The following GRM8 variants were observed in gnomAD, a reference collection of about 807,000 sequenced individuals.
GRM8 encodes metabotropic glutamate receptor 8.
GRM8 carries 47 observed loss-of-function variants against 87.2 expected under a neutral mutation model. The ratio of observed to expected loss-of-function variants is 0.54; its 90% CI spans 0.43 to 0.69. The LOEUF (loss-of-function observed/expected upper bound fraction) is 0.69. Ranked by LOEUF, GRM8 falls within the 30% of genes least tolerant of loss-of-function variation. The probability of loss-of-function intolerance (pLI) is 0.00; values close to 1 mark genes in which losing one functional copy is unlikely to be tolerated. For synonymous variants in GRM8, 396 were observed against 404.5 expected (o/e 0.98, Z 0.25); for missense variants, 1,019 against 1,139.2 (o/e 0.89, Z 1.52).
chr7:127,244,803 T>G (rs1798499441), intron 1 of GRM8, among the ~76,000 whole-genome samples: 1 of 152,170 alleles, frequency 6.6e-6, no homozygotes, highest in Non-Finnish European at 1.5e-5. Context: ...GAAAGCTGCA[T>G]TTTTTGCACT....
intron 3 of GRM8, among the ~76,000 whole-genome samples, chr7:126,962,106 A>T (rs1809382036): frequency 6.6e-6 from 1 of 152,238 alleles, no homozygotes; most frequent in Admixed American, 6.5e-5. Context: ...TTTCTATTAT[A>T]CAAAACTAAC....
At chr7:126,813,356 G>A (rs549153212) in intron 6 of GRM8, among the ~76,000 whole-genome samples, 22 of 152,074 alleles carry the variant, frequency 1.4e-4, no homozygotes, top group African/African-American at 4.6e-4. Context: ...CAAAAAGGCC[G>A]TTATGAAATA....
intron 6 of GRM8, among the ~76,000 whole-genome samples, chr7:126,881,515 A>C (rs1800018768): frequency 6.6e-6 from 1 of 152,206 alleles, no homozygotes; most frequent in African/African-American, 2.4e-5. Context: ...AGAGAGTCCC[A>C]GTCATGCAAA....
chr7:126,947,339 C>T (rs1223661494), intron 3 of GRM8, among the ~76,000 whole-genome samples: 2 of 152,098 alleles, frequency 1.3e-5, no homozygotes, highest in African/African-American at 2.4e-5. Context: ...TAATACTTTG[C>T]CCCTTGTATA....
intron 7 of GRM8, among the ~76,000 whole-genome samples, chr7:126,747,593 T>C (rs2299512): frequency 6.6e-6 from 1 of 152,054 alleles, no homozygotes; most frequent in East Asian, 1.9e-4. Context: ...TTTAATACTA[T>C]TCATATTCTG....
intron 7 of GRM8, among the ~76,000 whole-genome samples, chr7:126,746,433 G>A (rs992060182): frequency 6.6e-6 from 1 of 151,478 alleles, no homozygotes; most frequent in Non-Finnish European, 1.5e-5. Context: ...TATTATTATT[G>A]CTTTATTGAG....
At chr7:127,162,340 G>A (rs948886132) in intron 2 of GRM8, among the ~76,000 whole-genome samples, 3 of 152,128 alleles carry the variant, frequency 2.0e-5, no homozygotes, top group Non-Finnish European at 2.9e-5. Flanking sequence ...CTCAGCCACC[G>A]CCTCTCTCTC....
At chr7:127,069,596 G>A (rs146962741) in intron 3 of GRM8, among the ~76,000 whole-genome samples, 1 of 152,324 alleles carries the variant, frequency 6.6e-6, no homozygotes, top group Non-Finnish European at 1.5e-5. Flanking sequence ...CAAAGCAGAT[G>A]AGAGAACCCC....
At chr7:126,740,606 A>C (rs1226861449) in intron 7 of GRM8, among the ~76,000 whole-genome samples, 1 of 152,162 alleles carries the variant, frequency 6.6e-6, no homozygotes. Context: ...TCCTTCCCTG[A>C]CCTTGAACAA....
intron 1 of GRM8, among the ~76,000 whole-genome samples, chr7:127,245,552 C>T (rs957804553): frequency 6.6e-6 from 1 of 152,206 alleles, no homozygotes; most frequent in Non-Finnish European, 1.5e-5. Context: ...ACTTGCTGTA[C>T]AGTCCAGAAA....
intron 7 of GRM8, among the ~76,000 whole-genome samples, chr7:126,650,013 C>T (rs1432605318): frequency 6.6e-6 from 1 of 152,212 alleles, no homozygotes; most frequent in Non-Finnish European, 1.5e-5. Flanking sequence ...GATAACTACT[C>T]TCCTTTTGAG....
Position 126,841,701 on chromosome 7 carries a change from C to T in GRM8, c.1156+60841G>A, listed in dbSNP as rs140203110. Among the ~76,000 whole-genome samples, 12 of 151,638 alleles carry T rather than the reference C, an allele frequency of 7.9e-5. No individual in the cohort carries two copies. The East Asian group carries it at 1.9e-3, about 25-fold the overall frequency. On this transcript the variant is annotated intron_variant, in intron 6 of 10. Transcript: ENST00000339582. ...GGAGTGCAGTGGTGCAATCTCCGCT[C>T]ACTGCAAGCTCCGCCTCCCGGATTC... is the stretch of plus-strand genomic sequence containing the variant.
chr7:126,702,497 C>T (rs370727126), intron 7 of GRM8, among the ~76,000 whole-genome samples: 71 of 152,306 alleles, frequency 4.7e-4, no homozygotes, highest in East Asian at 2.9e-3. Flanking sequence ...AGAAGGACGA[C>T]GCAGTGGCAG....
chr7:126,883,620 C>T (rs1800218046), intron 6 of GRM8, among the ~76,000 whole-genome samples: 1 of 152,032 alleles, frequency 6.6e-6, no homozygotes, highest in Non-Finnish European at 1.5e-5. Context: ...AGATTGCAGA[C>T]CTATGTTCTC....
intron 2 of GRM8, among the ~76,000 whole-genome samples, chr7:127,120,620 G>A (rs1367048916): frequency 6.6e-6 from 1 of 152,164 alleles, no homozygotes; most frequent in Non-Finnish European, 1.5e-5. Flanking sequence ...CAAGAGCCCT[G>A]TTTCCTTTTG....
chr7:127,079,524 G>A (rs1028412834), intron 3 of GRM8, among the ~76,000 whole-genome samples: 21 of 152,236 alleles, frequency 1.4e-4, no homozygotes, highest in African/African-American at 4.8e-4. Flanking sequence ...GAAAATAGCA[G>A]TGAGGAAAAG....
At chr7:126,608,202 T>C (rs1390763601) in intron 8 of GRM8, among the ~76,000 whole-genome samples, 2 of 146,976 alleles carry the variant, frequency 1.4e-5, no homozygotes, top group Non-Finnish European at 3.0e-5. Flanking sequence ...AAGTTCAGAA[T>C]TGGTTTCCTG....
intron 6 of GRM8, among the ~76,000 whole-genome samples, chr7:126,771,929 T>C (rs1818884792): frequency 6.6e-6 from 1 of 152,120 alleles, no homozygotes. Context: ...ATGGGGACTA[T>C]GTTCTCTCCC....
At chr7:126,656,049 GGAACTGTCCACT>G (rs1212806343) in intron 7 of GRM8, among the ~76,000 whole-genome samples, 2 of 152,084 alleles carry the variant, frequency 1.3e-5, no homozygotes, top group Non-Finnish European at 2.9e-5. Flanking sequence ...TCAAATTCAG[GGAACTGTCCACT>G]GAACTTTTAG....
Sources: allele counts gnomAD v4.1 joint callset (sites outside exome capture counted in the v4.1 genomes callset), GRCh38; gene constraint gnomAD v4.1.1; transcripts MANE v1.5; gene names NCBI Gene and HGNC (gene_info 2026-07-23, HGNC 2026-07-21).